The following RAD52 variants were observed in gnomAD, a reference collection of about 807,000 sequenced individuals.
The protein encoded by RAD52 is RAD52 DNA repair protein, also known as DNA repair protein RAD52 homolog.
Under a neutral mutation model 55.5 loss-of-function variants are expected in RAD52, and 47 were observed. That is an observed-to-expected ratio of 0.85 (90% CI 0.67 to 1.08). The LOEUF is 1.08. Among genes scored for constraint, RAD52 ranks in the 50% least tolerant of loss-of-function variants. RAD52 has a pLI of 0.00. For synonymous variants in RAD52, 184 were observed against 198.9 expected (o/e 0.92, Z 0.63); for missense variants, 468 against 522.8 (o/e 0.90, Z 1.02).
intron 1 of RAD52, among the ~76,000 whole-genome samples, chr12:981,684 G>A (rs1959017827): frequency 6.6e-6 from 1 of 151,696 alleles, no homozygotes; most frequent in Non-Finnish European, 1.5e-5. Flanking sequence ...TCGAGCCCAG[G>A]AGGTGAAGGT....
chr12:972,255 A>G (rs1443452783), intron 1 of RAD52, among the ~76,000 whole-genome samples: 1 of 152,200 alleles, frequency 6.6e-6, no homozygotes, highest in African/African-American at 2.4e-5. Flanking sequence ...GACTGAAGAT[A>G]AGCAAGCATA....
At chr12:924,262 T>C (rs958849584) in intron 7 of RAD52, among the ~76,000 whole-genome samples, 5 of 149,766 alleles carry the variant, frequency 3.3e-5, no homozygotes, top group Non-Finnish European at 5.9e-5. Flanking sequence ...ATACAAAAAT[T>C]AGCCAGGCGT....
chr12:946,721 T>C (rs2887531), intron 1 of RAD52, among the ~76,000 whole-genome samples: 39,694 of 152,086 alleles, frequency 0.26, 5,351 homozygotes, highest in East Asian at 0.36. Context: ...ATAACACTTA[T>C]GAACAGTTTT....
At chr12:953,544 A>C (rs1337646734), upstream of RAD52, among the ~76,000 whole-genome samples, 1 of 152,178 alleles carries the variant, frequency 6.6e-6, no homozygotes, top group East Asian at 1.9e-4. Flanking sequence ...AAGTCCTCAT[A>C]CAATTTACGA....
At chr12:919,890 A>T (rs1956624400) in intron 7 of RAD52, among the ~76,000 whole-genome samples, 1 of 117,902 alleles carries the variant, frequency 8.5e-6, no homozygotes, top group South Asian at 3.2e-4. Flanking sequence ...CCCTCTCTAC[A>T]AAATACAAAA....
intron 1 of RAD52, among the ~76,000 whole-genome samples, chr12:945,688 G>A (rs942976618): frequency 1.3e-5 from 2 of 148,374 alleles, no homozygotes; most frequent in Non-Finnish European, 3.0e-5. Flanking sequence ...TGCCCACCTC[G>A]GCCTCCCAAA....
chr12:933,703 A>G (rs1957459175), intron 1 of RAD52, among the ~76,000 whole-genome samples: 1 of 152,202 alleles, frequency 6.6e-6, no homozygotes. Context: ...ATTACAAAAA[A>G]TTCTTTATGG....
chr12:975,532 C>G (rs1958924352), intron 1 of RAD52: 1 of 152,184 alleles, frequency 6.6e-6, no homozygotes. Context: ...GGATCCAAAA[C>G]TATTCCTTCA....
chr12:984,661 CAA>C (rs990827261), intron 1 of RAD52, among the ~76,000 whole-genome samples: 5 of 151,620 alleles, frequency 3.3e-5, no homozygotes, highest in African/African-American at 1.2e-4. Flanking sequence ...CTGAATAATA[CAA>C]AAGACTTTTT....
intron 2 of RAD52, among the ~76,000 whole-genome samples, chr12:932,367 T>C (rs1006641636): frequency 1.3e-5 from 2 of 152,116 alleles, no homozygotes; most frequent in African/African-American, 4.8e-5. Context: ...TGGTGGTGCA[T>C]GCCTGTTATC....
At chr12:975,897 T>TATACATAGA (rs1259253746) in intron 1 of RAD52, 3 of 152,384 alleles carry the variant, frequency 2.0e-5, no homozygotes, top group African/African-American at 7.2e-5. Context: ...GTTCTGAGTC[T>TATACATAGA]CTGTTGCTGG....
intron 1 of RAD52, among the ~76,000 whole-genome samples, chr12:967,381 C>A (rs371960294): frequency 2.4e-3 from 329 of 138,016 alleles, no homozygotes; most frequent in Middle Eastern, 3.8e-3. Context: ...GACCTTGTCT[C>A]AAAAAAAAAA....
chr12:933,136 C>T, intron 1 of RAD52, 60 bp from the exon 2 acceptor site: 1 of 1,220,668 alleles, frequency 8.2e-7, no homozygotes, highest in Non-Finnish European at 1.2e-6. Flanking sequence ...AAGTAAAAGG[C>T]AAGAGCCTCT....
intron 1 of RAD52, among the ~76,000 whole-genome samples, chr12:934,444 G>A (rs149542466): frequency 2.4e-5 from 2 of 84,798 alleles, no homozygotes; most frequent in East Asian, 7.2e-4. Flanking sequence ...GCCTGGGCGA[G>A]AGTGAGACTC....
chr12:935,969 T>C (rs959096934), intron 1 of RAD52, among the ~76,000 whole-genome samples: 3 of 146,512 alleles, frequency 2.0e-5, no homozygotes, highest in Admixed American at 2.0e-4. Flanking sequence ...TCCACCCGCC[T>C]CAGGTGTGAG....
At chr12:930,663 AT>A (rs961296719) in intron 3 of RAD52, among the ~76,000 whole-genome samples, 46 of 148,464 alleles carry the variant, frequency 3.1e-4, no homozygotes, top group African/African-American at 7.9e-4. Context: ...CAAAAGGAAC[AT>A]TTTTTTTTTA....
intron 3 of RAD52, 33 bp from the exon 4 acceptor site, chr12:930,177 TG>T: frequency 6.7e-7 from 1 of 1,493,094 alleles, no homozygotes; most frequent in Non-Finnish European, 9.2e-7. Context: ...GGAAAAGCTG[TG>T]TTAATTCCTT....
At chr12:941,774 C>T (rs1202144523) in intron 1 of RAD52, among the ~76,000 whole-genome samples, 1 of 152,014 alleles carries the variant, frequency 6.6e-6, no homozygotes, top group Non-Finnish European at 1.5e-5. Flanking sequence ...GTAGCTGAGA[C>T]TACAGGCACC....
At chr12:949,429 C>T (rs1313082358) in intron 1 of RAD52, 173 bp downstream of exon 1, 1 of 152,280 alleles carries the variant, frequency 6.6e-6, no homozygotes, top group Non-Finnish European at 1.5e-5. Context: ...ATACTGAGCC[C>T]CTCACTGCAC....
Sources: gnomAD v4.1 joint callset for allele counts (sites outside exome capture counted in the v4.1 genomes callset) on GRCh38, gnomAD v4.1.1 for gene constraint, MANE v1.5 for transcripts, NCBI Gene and HGNC (gene_info 2026-07-23, HGNC 2026-07-21) for gene names.